Variants in LRRC40 observed in about 807,000 individuals in gnomAD.
The protein encoded by LRRC40 is leucine rich repeat containing 40.
Under a neutral mutation model 72.8 loss-of-function variants are expected in LRRC40, and 76 were observed. That is an observed-to-expected ratio of 1.04 (90% confidence interval 0.87 to 1.26). The LOEUF is 1.26. Among genes scored for constraint, LRRC40 ranks in the 50% most tolerant of loss-of-function variants. The pLI is 0.00. For synonymous variants in LRRC40, 243 were observed against 254.2 expected (o/e 0.96, Z 0.42); for missense variants, 684 against 698.9 (o/e 0.98, Z 0.24).
chr1:70,155,695 G>A lies in LRRC40; in HGVS notation c.1322C>T (p.Pro441Leu). The A allele has an allele frequency of 1.3e-6, 2 of 1,499,348 alleles. No homozygotes were observed. The highest frequency in any genetic ancestry group is 1.8e-6 in the Non-Finnish European group (2 of 1,101,552). The allele number at this position is 1,499,348 out of a possible 1,614,324, so 92.9% of individuals were successfully genotyped here. ...NFSKNQLCEIPKRMVELKEMV... is the reference protein window; with the variant it reads ...NFSKNQLCEILKRMVELKEMV... ...ATGGCATCATAGTTCTTACCTTTTTGGAATTTCACATAGTTGATTCTTACT... is the reference window on the plus strand; with the variant it reads ...ATGGCATCATAGTTCTTACCTTTTTAGAATTTCACATAGTTGATTCTTACT... The change falls in exon 11 of 15, where the codon CCA becomes CTA. Residue 441 changes from proline to leucine, a missense_variant. By Grantham distance (98) the Pro-to-Leu change is moderately conservative (BLOSUM62 -3). Coordinates refer to ENST00000370952, the MANE Select transcript of LRRC40 (RefSeq NM_017768.5).
rs752985971 is a variant in LRRC40, at chr1:70,193,587, AAC to A, written c.152-4316_152-4315del. Among the ~76,000 whole-genome samples the A allele has an allele frequency of 3.0e-4, 46 of 152,202 alleles. 1 individual carries two copies. Among genetic ancestry groups the A allele is most frequent in the Admixed American group, 5.2e-4 (8 of 15,296 alleles). ...AACTCTTTCAAAACATAGAGAAAAG[AAC>A]AGTTCCCAATTCATCTTATAAGGCC... On this transcript the variant is annotated intron_variant, in intron 1 of 14. Transcript: ENST00000370952.
chr1:70,185,728 T>C (rs2100321021), intron 3 of LRRC40, among the ~76,000 whole-genome samples: 1 of 152,328 alleles, frequency 6.6e-6, no homozygotes, highest in Non-Finnish European at 1.5e-5. Flanking sequence ...ACCTAGGATG[T>C]CAAGTTGAAT....
At chr1:70,150,484 G>A (rs1667449774) in intron 13 of LRRC40, among the ~76,000 whole-genome samples, 1 of 152,182 alleles carries the variant, frequency 6.6e-6, no homozygotes, top group African/African-American at 2.4e-5. Context: ...AGCACCAGCA[G>A]AATAATAAGC....
intron 3 of LRRC40, among the ~76,000 whole-genome samples, chr1:70,186,564 G>T (rs976303338): frequency 6.6e-6 from 1 of 152,076 alleles, no homozygotes; most frequent in Non-Finnish European, 1.5e-5. Context: ...ATCTGTAACC[G>T]TATCTATTTT....
intron 9 of LRRC40, among the ~76,000 whole-genome samples, chr1:70,164,701 G>A (rs930058547): frequency 2.0e-5 from 3 of 152,012 alleles, no homozygotes; most frequent in Non-Finnish European, 4.4e-5. Context: ...TTCTTACAAG[G>A]GTCTTTTTTT....
chr1:70,150,726 T>C (rs1220111858), intron 13 of LRRC40, among the ~76,000 whole-genome samples: 1 of 152,202 alleles, frequency 6.6e-6, no homozygotes, highest in African/African-American at 2.4e-5. Context: ...TGCCTTGGCA[T>C]ATGCTATTAG....
At chr1:70,199,681 C>A (rs754379192) in intron 1 of LRRC40, among the ~76,000 whole-genome samples, 65 of 151,982 alleles carry the variant, frequency 4.3e-4, no homozygotes, top group Non-Finnish European at 7.4e-4. Context: ...ATTGTAAGAA[C>A]GTAGTATATA....
intron 1 of LRRC40, among the ~76,000 whole-genome samples, chr1:70,192,370 T>A (rs1207510956): frequency 6.6e-6 from 1 of 151,826 alleles, no homozygotes; most frequent in Non-Finnish European, 1.5e-5. Context: ...TTGGTAGGAG[T>A]GTAAATCAGT....
chr1:70,192,260 C>T (rs1482370441), intron 1 of LRRC40, among the ~76,000 whole-genome samples: 3 of 151,932 alleles, frequency 2.0e-5, no homozygotes, highest in Non-Finnish European at 4.4e-5. Context: ...CCTGATTTGG[C>T]CCTCTGCTTG....
rs762186365 is a variant in LRRC40, at chr1:70,148,478, T to TGTA, written c.1703+6_1703+8dup. The TGTA allele has an allele frequency of 7.5e-6, 12 of 1,597,842 alleles. No individual in the cohort carries two copies. In the South Asian group the frequency reaches 1.0e-4, roughly 13 times the overall value. ...TAAATGAAACAATGCAGTAGAATGG[T>TGTA]GTAGTTACCTTAAGTTTACACAATT... On this transcript the variant is annotated intron_variant, in intron 14 of 14. Transcript: ENST00000370952.
intron 2 of LRRC40, among the ~76,000 whole-genome samples, 192 bp downstream of exon 2, chr1:70,188,900 T>C (rs572520567): frequency 3.3e-5 from 5 of 152,300 alleles, no homozygotes; most frequent in South Asian, 2.1e-4. Context: ...CAGCCATTAA[T>C]AGCAGAAGTC....
chr1:70,187,224 T>C, intron 3 of LRRC40, 41 bp downstream of exon 3: 2 of 925,394 alleles, frequency 2.2e-6, no homozygotes, highest in African/African-American at 1.7e-5. Context: ...ATTTAAACCA[T>C]TATAAGGGCA....
At chr1:70,192,712 A>G (rs567351232) in intron 1 of LRRC40, among the ~76,000 whole-genome samples, 79 of 152,176 alleles carry the variant, frequency 5.2e-4, no homozygotes, top group African/African-American at 1.9e-3. Context: ...ACTAACACAG[A>G]AGAAAACAAA....
chr1:70,195,969 T>C lies in LRRC40; in HGVS notation c.152-6696A>G, dbSNP rs156108. ...ACTACTATACAATACAGCAATTCCA[T>C]TGTCAGGTATGGATTCAACAGAAAT... On this transcript the variant is annotated intron_variant, in intron 1 of 14. Coordinates refer to ENST00000370952, the MANE Select transcript of LRRC40 (RefSeq NM_017768.5). 5.3e-3 allele frequency among the ~76,000 whole-genome samples: 805 copies of C among 152,074 alleles called. 6 individuals carry two copies. The highest frequency in any genetic ancestry group is 0.018 in the African/African-American group (756 of 41,526).
At chr1:70,159,554 CTT>C (rs1667712888) in intron 9 of LRRC40, 116 bp from the exon 10 acceptor site, 1 of 454,444 alleles carries the variant, frequency 2.2e-6, no homozygotes. Flanking sequence ...GTGAGAATGC[CTT>C]TAGTCATATG....
At chr1:70,149,348 G>A (rs572853205) in intron 13 of LRRC40, among the ~76,000 whole-genome samples, 51 of 152,240 alleles carry the variant, frequency 3.3e-4, no homozygotes, top group African/African-American at 9.4e-4. Context: ...TTTCATTTCC[G>A]CATACTGCCC....
At chr1:70,200,840 C>G (rs771219080) in intron 1 of LRRC40, among the ~76,000 whole-genome samples, 1 of 152,000 alleles carries the variant, frequency 6.6e-6, no homozygotes, top group Non-Finnish European at 1.5e-5. Context: ...AGAGAGAGAG[C>G]AAGGGAGAAA....
At chr1:70,164,092 GA>G in intron 9 of LRRC40, among the ~76,000 whole-genome samples, 1 of 152,100 alleles carries the variant, frequency 6.6e-6, no homozygotes, top group East Asian at 1.9e-4. Flanking sequence ...TTTTTTATAA[GA>G]GTGCCAATCC....
rs368673737 is a variant in LRRC40, at chr1:70,199,215, T to TCTCACACACACA, written c.151+6174_151+6175insTGTGTGTGTGAG. Among the ~76,000 whole-genome samples, 4 of 140,432 alleles carry TCTCACACACACA rather than the reference T, an allele frequency of 2.8e-5. No individual in the cohort carries two copies. The East Asian group carries it at 8.3e-4, about 29-fold the overall frequency. The allele number at this position is 140,432 out of a possible 152,430, so 92.1% of individuals were successfully genotyped here. A position where few individuals can be genotyped will look rare whatever the true frequency, so the allele number is the denominator to read the frequency against. On this transcript the variant is annotated intron_variant, in intron 1 of 14. Coordinates refer to ENST00000370952, the MANE Select transcript of LRRC40 (RefSeq NM_017768.5). ...AATAGCAGTCAAATTATACATAGTCTCACACACACACACACACACACACAC... is the reference window on the plus strand; with the variant it reads ...AATAGCAGTCAAATTATACATAGTCTCTCACACACACACACACACACACACACACACACACAC...
Sources: gnomAD v4.1 joint callset for allele counts (sites outside exome capture counted in the v4.1 genomes callset) on GRCh38, gnomAD v4.1.1 for gene constraint, MANE v1.5 for transcripts, NCBI Gene and HGNC (gene_info 2026-07-23, HGNC 2026-07-21) for gene names.